SHISA9: variants seen among roughly 807,000 people sequenced by gnomAD.
The protein encoded by SHISA9 is shisa family member 9, also known as protein shisa-9.
SHISA9 carries 13 observed loss-of-function variants against 38.0 expected under a neutral mutation model. That is an observed-to-expected ratio of 0.34 (90% confidence interval 0.22 to 0.54). SHISA9 has a LOEUF of 0.54. Ranked by LOEUF, SHISA9 falls within the 20% of genes least tolerant of loss-of-function variation. SHISA9 has a pLI of 0.91. For synonymous variants in SHISA9, 275 were observed against 242.0 expected (o/e 1.14, Z -1.27); for missense variants, 538 against 575.8 (o/e 0.93, Z 0.67).
At chr16:13,262,670 A>AAGGGAGGGAGGGGGGGAGGG in the SHISA9 span, among the ~76,000 whole-genome samples, 1 of 70,668 alleles carries the variant, frequency 1.4e-5, no homozygotes, top group African/African-American at 6.4e-5. Flanking sequence ...GGAAGGAAGG[A>AAGGGAGGGAGGGGGGGAGGG]AGGGAGGGAG....
intron 2 of SHISA9, among the ~76,000 whole-genome samples, chr16:12,940,762 T>G (rs898217353): frequency 6.6e-6 from 1 of 152,208 alleles, no homozygotes; most frequent in Non-Finnish European, 1.5e-5. Flanking sequence ...GGGTTCTGTC[T>G]CTTTCTAATG....
chr16:13,437,236 G>A, the SHISA9 span, among the ~76,000 whole-genome samples: 1 of 152,058 alleles, frequency 6.6e-6, no homozygotes, highest in African/African-American at 2.4e-5. Context: ...CATCTGGGGG[G>A]ATTGGTTGCC....
chr16:13,217,063 G>C (rs954503078), intron 4 of SHISA9, among the ~76,000 whole-genome samples: 1 of 151,748 alleles, frequency 6.6e-6, no homozygotes, highest in Non-Finnish European at 1.5e-5. Flanking sequence ...CGAGGTCAGA[G>C]GATCGAGACC....
At chr16:13,515,027 A>G in the SHISA9 span, among the ~76,000 whole-genome samples, 1 of 151,996 alleles carries the variant, frequency 6.6e-6, no homozygotes, top group African/African-American at 2.4e-5. Context: ...AAGCAAAAAG[A>G]TTAGTGGAGT....
chr16:13,088,106 A>T (rs2073733715), intron 2 of SHISA9, among the ~76,000 whole-genome samples: 1 of 152,146 alleles, frequency 6.6e-6, no homozygotes, highest in Admixed American at 6.5e-5. Flanking sequence ...TGTTTTTGTC[A>T]GGTTCATCAA....
chr16:13,205,255 A>G (rs577798609), intron 3 of SHISA9, among the ~76,000 whole-genome samples: 1 of 152,344 alleles, frequency 6.6e-6, no homozygotes, highest in South Asian at 2.1e-4. Context: ...CATGAAAACT[A>G]CTTCATCAGT....
At position 13,221,034 on chromosome 16, in the gene SHISA9, G is replaced by GAAA. The variant is rs10665930; in HGVS notation, c.895+7744_895+7746dup. Among the ~76,000 whole-genome samples, 199 of 147,346 alleles carry GAAA rather than the reference G, an allele frequency of 1.4e-3. 1 individual carries two copies. The highest frequency in any genetic ancestry group is 3.6e-3 in the Middle Eastern group (1 of 274). ...TAGTTTGCCTATATATGGGATTTTA[G>GAAA]AAAAAAAAAAAATCACAGTACCACC... On this transcript the variant is annotated intron_variant, in intron 4 of 4. Transcript: ENST00000558583.
At chr16:13,106,905 A>G (rs2073930018) in intron 2 of SHISA9, among the ~76,000 whole-genome samples, 1 of 152,118 alleles carries the variant, frequency 6.6e-6, no homozygotes, top group South Asian at 2.1e-4. Context: ...AGTTCTGATC[A>G]TATTGTTCAT....
chr16:13,554,143 A>C, the SHISA9 span, among the ~76,000 whole-genome samples: 1 of 152,106 alleles, frequency 6.6e-6, no homozygotes, highest in Admixed American at 6.5e-5. Context: ...TTGGCTGGGC[A>C]TCTTCTGCCT....
chr16:13,062,687 C>T (rs916817871), intron 2 of SHISA9, among the ~76,000 whole-genome samples: 11 of 152,066 alleles, frequency 7.2e-5, no homozygotes, highest in Middle Eastern at 3.2e-3. Flanking sequence ...TCCTTTTGCC[C>T]CTGACTAATT....
chr16:12,935,611 G>T (rs1324230148), intron 2 of SHISA9, among the ~76,000 whole-genome samples: 1 of 152,144 alleles, frequency 6.6e-6, no homozygotes, highest in Non-Finnish European at 1.5e-5. Context: ...ACTTTGGGAG[G>T]CTGAGGCAGG....
chr16:13,122,101 G>A (rs189380608), intron 2 of SHISA9, among the ~76,000 whole-genome samples: 2 of 152,240 alleles, frequency 1.3e-5, no homozygotes, highest in East Asian at 1.9e-4. Flanking sequence ...AGTACTGGTC[G>A]GGGGATCTAG....
chr16:13,299,687 T>G, the SHISA9 span, among the ~76,000 whole-genome samples: 4 of 143,704 alleles, frequency 2.8e-5, no homozygotes, highest in Non-Finnish European at 6.0e-5. Context: ...CACTTTAGCC[T>G]GGGCGACAGA....
chr16:13,197,632 A>G (rs868791328), intron 2 of SHISA9: 8 of 152,304 alleles, frequency 5.3e-5, no homozygotes, highest in African/African-American at 1.7e-4. Flanking sequence ...GACACCATCA[A>G]TTTGTCGTTT....
chr16:13,072,315 G>A (rs964869562), intron 2 of SHISA9, among the ~76,000 whole-genome samples: 1 of 152,252 alleles, frequency 6.6e-6, no homozygotes, highest in Non-Finnish European at 1.5e-5. Flanking sequence ...AACATCTGGT[G>A]TGATTACTAC....
chr16:13,162,321 C>T (rs1000351093), intron 2 of SHISA9, among the ~76,000 whole-genome samples: 11 of 151,776 alleles, frequency 7.2e-5, no homozygotes, highest in African/African-American at 2.7e-4. Context: ...GTAATTCTTT[C>T]TTGGGAAACA....
At chr16:13,468,949 C>CA in the SHISA9 span, among the ~76,000 whole-genome samples, 12 of 149,522 alleles carry the variant, frequency 8.0e-5, 1 homozygote, top group Non-Finnish European at 1.8e-4. Flanking sequence ...AAAACAACAA[C>CA]AACAAAAAAG....
the SHISA9 span, among the ~76,000 whole-genome samples, chr16:13,538,634 A>G: frequency 1.6e-4 from 24 of 152,288 alleles, no homozygotes; most frequent in African/African-American, 5.5e-4. Flanking sequence ...TCTAATGAGG[A>G]AAAGCAGAGA....
chr16:13,152,249 C>A (rs1318365768), intron 2 of SHISA9, among the ~76,000 whole-genome samples: 1 of 151,720 alleles, frequency 6.6e-6, no homozygotes, highest in Non-Finnish European at 1.5e-5. Flanking sequence ...TTTTTTTCCC[C>A]AAAAATAAAT....
Sources: gnomAD v4.1 joint callset for allele counts (sites outside exome capture counted in the v4.1 genomes callset) on GRCh38, gnomAD v4.1.1 for gene constraint, MANE v1.5 for transcripts, NCBI Gene and HGNC (gene_info 2026-07-23, HGNC 2026-07-21) for gene names.